DCHS2: variants seen among roughly 807,000 people sequenced by gnomAD.
DCHS2 encodes protocadherin-23.
In DCHS2, 142 loss-of-function variants were observed where a neutral mutation model predicts 182.4. The observed-to-expected ratio is 0.78, with a 90% CI of 0.68 to 0.89. The LOEUF (loss-of-function observed/expected upper bound fraction) is 0.89, where lower values mean the gene tolerates loss of function less well. Ranked by LOEUF, DCHS2 falls within the 40% of genes least tolerant of loss-of-function variation. The pLI is 0.00. For synonymous variants in DCHS2, 1,740 were observed against 1,663.3 expected (o/e 1.05, Z -1.12); for missense variants, 4,319 against 4,198.6 (o/e 1.03, Z -0.79).
intron 14 of DCHS2, among the ~76,000 whole-genome samples, chr4:154,267,309 C>A (rs999277391): frequency 2.6e-5 from 4 of 152,180 alleles, no homozygotes; most frequent in South Asian, 2.1e-4. Flanking sequence ...GGGGCTGAAG[C>A]AATGAGGTTT....
chr4:154,396,596 CG>C (rs1731938698), intron 1 of DCHS2, among the ~76,000 whole-genome samples: 1 of 152,040 alleles, frequency 6.6e-6, no homozygotes, highest in Admixed American at 6.5e-5. Context: ...AAAGTTTCAA[CG>C]GTGTCTCTAA....
intron 1 of DCHS2, among the ~76,000 whole-genome samples, chr4:154,381,592 A>T (rs1052451596): frequency 2.6e-5 from 4 of 152,098 alleles, no homozygotes; most frequent in Non-Finnish European, 5.9e-5. Context: ...TAAAGTTTCA[A>T]GATATGAAAT....
chr4:154,358,229 C>T (rs1015667789), intron 3 of DCHS2, among the ~76,000 whole-genome samples: 12 of 152,126 alleles, frequency 7.9e-5, no homozygotes, highest in Non-Finnish European at 1.3e-4. Flanking sequence ...TTGTTTTCCT[C>T]TCTGGAATCT....
intron 3 of DCHS2, among the ~76,000 whole-genome samples, chr4:154,339,959 G>A (rs1728987951): frequency 6.6e-6 from 1 of 151,910 alleles, no homozygotes; most frequent in African/African-American, 2.4e-5. Context: ...TGAGATTATG[G>A]GAAGCTCACT....
In DCHS2 at chr4:154,491,530, T is replaced by C. The variant is rs1181684714; in HGVS notation, c.-175A>G. On this transcript the variant is annotated 5_prime_UTR_variant, in exon 1 of 20. Transcript: ENST00000357232. Reference sequence around the variant, plus strand: ...ACATCTGCAACTGGTGAAAGCGTCCTCTGCCTGCAGCTCACGCAGACAGGG... The same window carrying C: ...ACATCTGCAACTGGTGAAAGCGTCCCCTGCCTGCAGCTCACGCAGACAGGG... 3.6e-6 allele frequency: 5 copies of C among 1,396,520 alleles called. No individual in the cohort carries two copies. The African/African-American group carries it at 5.9e-5, about 16-fold the overall frequency. The allele number at this position is 1,396,520 out of a possible 1,614,324, so 86.5% of individuals were successfully genotyped here. A position where few individuals can be genotyped will look rare whatever the true frequency, so the allele number is the denominator to read the frequency against.
intron 13 of DCHS2, among the ~76,000 whole-genome samples, chr4:154,292,766 A>C (rs1287312393): frequency 1.5e-4 from 23 of 152,118 alleles, no homozygotes; most frequent in Non-Finnish European, 3.2e-4. Flanking sequence ...AAGCCCAGGG[A>C]CTCAGTGAGT....
At chr4:154,392,779 T>C (rs1221063997) in intron 1 of DCHS2, among the ~76,000 whole-genome samples, 1 of 152,174 alleles carries the variant, frequency 6.6e-6, no homozygotes, top group Non-Finnish European at 1.5e-5. Flanking sequence ...TCTTATTACA[T>C]TTTAGAGTCC....
chr4:154,346,822 C>A (rs575424292), intron 3 of DCHS2, among the ~76,000 whole-genome samples: 21 of 151,976 alleles, frequency 1.4e-4, no homozygotes, highest in African/African-American at 4.1e-4. Flanking sequence ...GCATTTTAAA[C>A]CCATACTCCC....
chr4:154,397,828 G>T (rs1731996955), intron 1 of DCHS2, among the ~76,000 whole-genome samples: 1 of 152,166 alleles, frequency 6.6e-6, no homozygotes, highest in African/African-American at 2.4e-5. Context: ...AGATGAGGGA[G>T]GTGGTTGAGC....
rs1351098177 is a variant in DCHS2, at chr4:154,333,110, C to G, written c.3098G>C (p.Gly1033Ala). 3 of 1,614,098 alleles carry G rather than the reference C, an allele frequency of 1.9e-6. No individual in the cohort carries two copies. The South Asian group carries it at 3.3e-5, about 18-fold the overall frequency. The part of the protein sequence containing the change: ...PGVFAIDRAL[G>A]VLFLNGSLGA... ...CAGGCTGCCGTTGAGGAACAGCACC[C>G]CCAGGGCTCTGTCGATGGCAAAGAC... The change falls in exon 5 of 20, where the codon GGG becomes GCG. Residue 1033 changes from glycine to alanine, a missense_variant. Physicochemically the swap from Gly to Ala is moderately conservative, Grantham distance 60. Transcript: ENST00000357232.
chr4:154,358,367 CA>C (rs1213986638), intron 3 of DCHS2, among the ~76,000 whole-genome samples: 1 of 152,164 alleles, frequency 6.6e-6, no homozygotes. Context: ...GGAAGCCCTA[CA>C]CTAGTTGCAG....
intron 3 of DCHS2, among the ~76,000 whole-genome samples, chr4:154,349,473 T>G (rs6535998): frequency 0.91 from 139,060 of 152,244 alleles, 63,767 homozygotes; most frequent in East Asian, 1. Context: ...TGACTTCCTA[T>G]AAATTTTATT....
chr4:154,238,930 T>C (rs62330242), intron 19 of DCHS2, among the ~76,000 whole-genome samples: 1 of 152,088 alleles, frequency 6.6e-6, no homozygotes, highest in Non-Finnish European at 1.5e-5. Flanking sequence ...TTTGTGAGCA[T>C]TTACCAGCAT....
At position 154,308,034 on chromosome 4, in the gene DCHS2, C is replaced by G. The variant is rs151302408; in HGVS notation, c.5261-2803G>C. ...TAAAATTTTTTTCCTTAAATTATATCCTTCTCTAGCTATAAGAAGAATTAG... is the reference window on the plus strand; with the variant it reads ...TAAAATTTTTTTCCTTAAATTATATGCTTCTCTAGCTATAAGAAGAATTAG... On this transcript the variant is annotated intron_variant, in intron 10 of 19. Transcript: ENST00000357232. 3.9e-5 allele frequency among the ~76,000 whole-genome samples: 6 copies of G among 152,218 alleles called. No individual in the cohort carries two copies. The East Asian group carries it at 1.2e-3, about 29-fold the overall frequency.
At position 154,490,742 on chromosome 4, in the gene DCHS2, G is replaced by T. The variant is rs1212473452; in HGVS notation, c.614C>A (p.Thr205Asn). The T allele has an allele frequency of 1.3e-6, 2 of 1,551,632 alleles. No individual in the cohort carries two copies. Among genetic ancestry groups the T allele is most frequent in the South Asian group, 1.2e-5 (1 of 84,062 alleles). Residue 205 changes from threonine (T) to asparagine (N), a missense_variant, in exon 1 of 20, where the codon ACC (threonine) becomes AAC (asparagine). Physicochemically the swap from Thr to Asn is moderately conservative, Grantham distance 65. Coordinates refer to ENST00000357232, the MANE Select transcript of DCHS2 (RefSeq NM_001358235.2). Reference sequence around the variant, plus strand: ...GGGCAGGTCGGACGGTTGCACCAGGGTGTAGCCCTGAGTGCTGAACAGTCC... The same window carrying T: ...GGGCAGGTCGGACGGTTGCACCAGGTTGTAGCCCTGAGTGCTGAACAGTCC... ...DAGLFSTQGY[T>N]LVQPSDLPKD...
At chr4:154,386,403 G>A (rs1349174500) in intron 1 of DCHS2, among the ~76,000 whole-genome samples, 2 of 152,092 alleles carry the variant, frequency 1.3e-5, no homozygotes, top group African/African-American at 4.8e-5. Flanking sequence ...AGTATAACAT[G>A]CTCACATCTC....
intron 1 of DCHS2, among the ~76,000 whole-genome samples, chr4:154,450,267 G>A (rs1490876522): frequency 6.6e-6 from 1 of 152,148 alleles, no homozygotes; most frequent in Non-Finnish European, 1.5e-5. Context: ...GAAAGGGGAC[G>A]AGGGACTTTA....
intron 19 of DCHS2, chr4:154,237,741 A>G (rs1731602253): frequency 6.6e-6 from 1 of 152,210 alleles, no homozygotes; most frequent in African/African-American, 2.4e-5. Flanking sequence ...ATTTTTATAA[A>G]TGTGTGTGTT....
intron 3 of DCHS2, among the ~76,000 whole-genome samples, chr4:154,352,055 G>GCACA (rs374256511): frequency 6.7e-6 from 1 of 150,178 alleles, no homozygotes. Context: ...ACAGACACAT[G>GCACA]CACACACACA....
Sources: allele counts gnomAD v4.1 joint callset (sites outside exome capture counted in the v4.1 genomes callset), GRCh38; gene constraint gnomAD v4.1.1; transcripts MANE v1.5; gene names NCBI Gene and HGNC (gene_info 2026-07-23, HGNC 2026-07-21).